SHISA9: variants seen among roughly 807,000 people sequenced by gnomAD.
SHISA9 encodes protein shisa-9.
Under a neutral mutation model 38.0 loss-of-function variants are expected in SHISA9, and 13 were observed. That is an observed-to-expected ratio of 0.34 (90% confidence interval 0.22 to 0.54). The LOEUF is 0.54. Ranked by LOEUF, SHISA9 falls within the 20% of genes least tolerant of loss-of-function variation. SHISA9 has a pLI of 0.91. For missense variants in SHISA9, 538 were observed against 575.8 expected, an observed-to-expected ratio of 0.93 and a Z score of 0.67; for synonymous variants, 275 against 242.0, an observed-to-expected ratio of 1.14 and a Z score of -1.27.
intron 2 of SHISA9, among the ~76,000 whole-genome samples, chr16:13,066,205 G>A (rs892833155): frequency 2.0e-5 from 3 of 152,170 alleles, no homozygotes; most frequent in South Asian, 2.1e-4. Context: ...GGGTCCCTGC[G>A]TGACTACAGT....
At chr16:12,967,607 A>G (rs377593827) in intron 2 of SHISA9, among the ~76,000 whole-genome samples, 5 of 151,982 alleles carry the variant, frequency 3.3e-5, no homozygotes, top group East Asian at 3.8e-4. Flanking sequence ...TCCCTGTTTT[A>G]TAACCAGTGT....
chr16:13,001,327 C>T (rs1408514613), intron 2 of SHISA9, among the ~76,000 whole-genome samples: 6 of 152,156 alleles, frequency 3.9e-5, no homozygotes, highest in African/African-American at 1.4e-4. Context: ...GGACCTGCTC[C>T]TCCCTCTCCT....
the SHISA9 span, among the ~76,000 whole-genome samples, chr16:13,417,947 A>G: frequency 6.6e-6 from 1 of 152,230 alleles, no homozygotes; most frequent in Non-Finnish European, 1.5e-5. Context: ...TATGCCAATG[A>G]TACCCTACCT....
intron 2 of SHISA9, among the ~76,000 whole-genome samples, chr16:12,963,702 G>C (rs1156512277): frequency 6.6e-6 from 1 of 152,192 alleles, no homozygotes; most frequent in Non-Finnish European, 1.5e-5. Flanking sequence ...TGATTATAAG[G>C]CTAGGAAGGT....
intron 1 of SHISA9, chr16:12,911,392 A>G (rs2071181395): frequency 2.0e-6 from 2 of 985,286 alleles, no homozygotes; most frequent in Admixed American, 6.1e-5. Context: ...TCCTGTCTAT[A>G]AAATGTTTTT....
intron 4 of SHISA9, among the ~76,000 whole-genome samples, chr16:13,228,008 A>C (rs573858559): frequency 6.6e-6 from 1 of 152,232 alleles, no homozygotes; most frequent in African/African-American, 2.4e-5. Context: ...TTGAGCATTT[A>C]CTACATTCCA....
At chr16:13,488,805 A>G in the SHISA9 span, among the ~76,000 whole-genome samples, 270 of 152,314 alleles carry the variant, frequency 1.8e-3, no homozygotes, top group African/African-American at 6.2e-3. Flanking sequence ...TCTGTTGCCC[A>G]GGCTGGAGTG....
intron 2 of SHISA9, among the ~76,000 whole-genome samples, chr16:13,069,002 G>A (rs1030832308): frequency 6.6e-6 from 1 of 151,962 alleles, no homozygotes; most frequent in African/African-American, 2.4e-5. Flanking sequence ...ATGTGTGTAT[G>A]TGCGTATGCA....
At chr16:13,329,171 G>A in the SHISA9 span, among the ~76,000 whole-genome samples, 8 of 152,120 alleles carry the variant, frequency 5.3e-5, no homozygotes, top group Middle Eastern at 3.2e-3. Flanking sequence ...TTCCCTGCTC[G>A]CTAAGTAAAT....
At position 13,049,259 on chromosome 16, in the gene SHISA9, C is replaced by T. The variant is rs140890534; in HGVS notation, c.691+132444C>T. On this transcript the variant is annotated intron_variant, in intron 2 of 4. Coordinates refer to ENST00000558583, the MANE Select transcript of SHISA9 (RefSeq NM_001145204.3). ...TGCAGGCTTACTCCTGGTATTTTGC[C>T]TCATAGATATCTAGGATTCATTTCT... is the stretch of plus-strand genomic sequence containing the variant. Among the ~76,000 whole-genome samples, 742 of 151,646 alleles carry T rather than the reference C, an allele frequency of 4.9e-3. 10 individuals are homozygous for T. Among genetic ancestry groups the T allele is most frequent in the South Asian group, 0.033 (159 of 4,800 alleles).
the SHISA9 span, among the ~76,000 whole-genome samples, chr16:13,420,407 C>T: frequency 6.6e-6 from 1 of 151,932 alleles, no homozygotes; most frequent in Non-Finnish European, 1.5e-5. Flanking sequence ...GAGTAAAAAG[C>T]CTGGAGATGG....
At chr16:13,112,365 G>A (rs554096868) in intron 2 of SHISA9, among the ~76,000 whole-genome samples, 98 of 152,104 alleles carry the variant, frequency 6.4e-4, no homozygotes, top group African/African-American at 2.3e-3. Context: ...AAGTGAAGAA[G>A]AAGGGAAAGA....
At chr16:13,311,085 CAAA>C in the SHISA9 span, among the ~76,000 whole-genome samples, 1 of 151,830 alleles carries the variant, frequency 6.6e-6, no homozygotes, top group Non-Finnish European at 1.5e-5. Context: ...AGTGAGAATG[CAAA>C]AAGGGATTGC....
intron 2 of SHISA9, among the ~76,000 whole-genome samples, chr16:13,166,298 C>A (rs1380263113): frequency 1.2e-4 from 18 of 152,220 alleles, no homozygotes; most frequent in Non-Finnish European, 2.2e-4. Flanking sequence ...GTTCCTTCTA[C>A]CTGGAACATC....
the SHISA9 span, among the ~76,000 whole-genome samples, chr16:13,430,987 C>A: frequency 1.3e-5 from 2 of 151,680 alleles, no homozygotes; most frequent in African/African-American, 4.8e-5. Context: ...ACATTGCTAA[C>A]TACTGCAGAA....
rs4992035 is a variant in SHISA9, at chr16:12,907,201, C to T, written c.563+4574C>T. On this transcript the variant is annotated intron_variant, in intron 1 of 4. Transcript: ENST00000558583. Reference sequence around the variant, plus strand: ...CCACCCTTCCCTCCCTCCGTCCCTCCCTCCCTCCCTTCCTTGCTTCCTTCC... The same window carrying T: ...CCACCCTTCCCTCCCTCCGTCCCTCTCTCCCTCCCTTCCTTGCTTCCTTCC... 5.1e-3 allele frequency among the ~76,000 whole-genome samples: 687 copies of T among 133,462 alleles called. 13 individuals are homozygous for T. Among genetic ancestry groups the T allele is most frequent in the African/African-American group, 0.019 (649 of 34,402 alleles). The allele number at this position is 133,462 out of a possible 152,430, so 87.6% of individuals were successfully genotyped here.
chr16:13,161,695 C>T (rs888444747), intron 2 of SHISA9, among the ~76,000 whole-genome samples: 11 of 152,126 alleles, frequency 7.2e-5, no homozygotes, highest in African/African-American at 2.7e-4. Flanking sequence ...GATCTTCCAG[C>T]CTCTTTTATA....
At chr16:13,402,100 G>T in the SHISA9 span, among the ~76,000 whole-genome samples, 2 of 150,552 alleles carry the variant, frequency 1.3e-5, no homozygotes, top group South Asian at 4.2e-4. Context: ...CATATAATCA[G>T]TGTTCTCCAG....
chr16:12,943,307 G>C (rs2071637375), intron 2 of SHISA9, among the ~76,000 whole-genome samples: 1 of 80,732 alleles, frequency 1.2e-5, no homozygotes, highest in South Asian at 5.0e-4. Flanking sequence ...GTGTGTGTGT[G>C]TGTGTGTGTG....
Sources: allele counts gnomAD v4.1 joint callset (sites outside exome capture counted in the v4.1 genomes callset), GRCh38; gene constraint gnomAD v4.1.1; transcripts MANE v1.5; gene names NCBI Gene and HGNC (gene_info 2026-07-23, HGNC 2026-07-21).